The following USP22 variants were observed in gnomAD, a reference collection of about 807,000 sequenced individuals.
USP22 encodes the protein ubiquitin specific peptidase 22.
A neutral mutation model predicts 68.1 loss-of-function variants in USP22; 22 were observed. The ratio of observed to expected loss-of-function variants is 0.32; its 90% CI spans 0.23 to 0.46. The LOEUF (loss-of-function observed/expected upper bound fraction) is 0.46, where lower values mean the gene tolerates loss of function less well. USP22 is among the 20% of genes least tolerant of loss of function. The pLI is 1.00. For missense variants in USP22, 433 were observed against 695.8 expected (o/e 0.62, Z 4.25); for synonymous variants, 279 against 274.2 (o/e 1.02, Z -0.17).
At position 21,001,898 on chromosome 17, in the gene USP22, C is replaced by G. The variant is rs987187006; in HGVS notation, c.*1133G>C. The stretch of plus-strand genomic sequence containing the variant: ...TCTCTTTCAGCTCTGCTGACAAGCT[C>G]AATCACGGTGTCATTTTACTGCCAC... On this transcript the variant is annotated 3_prime_UTR_variant, in exon 13 of 13. Coordinates refer to ENST00000261497, the MANE Select transcript of USP22 (RefSeq NM_015276.2). 1.3e-5 allele frequency: 2 copies of G among 152,240 alleles called. No individual in the cohort carries two copies. Among genetic ancestry groups the G allele is most frequent in the Admixed American group, 1.3e-4 (2 of 15,286 alleles). The allele number at this position is 152,240 out of a possible 1,614,324, so 9.4% of individuals were successfully genotyped here.
Position 21,012,926 on chromosome 17 carries a change from T to C in USP22, c.848A>G (p.Asn283Ser), listed in dbSNP as rs201217885. 4.4e-5 allele frequency: 71 copies of C among 1,613,856 alleles called. No homozygotes were observed. The highest frequency in any genetic ancestry group is 5.5e-5 in the Non-Finnish European group (65 of 1,179,948). The change falls in exon 7 of 13, where the codon AAT (asparagine) becomes AGT (serine). Residue 283 changes from asparagine to serine, a missense_variant. This residue lies in a region of USP22 where 178 missense variants were observed against 351.5 expected (regional missense o/e 0.51). Transcript: ENST00000261497. ...GTTGGGGTTGTTGGCCTTCTTCCCA[T>C]TGTCATCACCTGGAGACAGACCACG... ...VLHRHCKGDDNGKKANNPNHC... is the reference protein window; with the variant it reads ...VLHRHCKGDDSGKKANNPNHC...
At chr17:21,019,668 C>CAG (rs1555529863) in intron 3 of USP22, among the ~76,000 whole-genome samples, 1 of 151,974 alleles carries the variant, frequency 6.6e-6, no homozygotes, top group African/African-American at 2.4e-5. Flanking sequence ...ACAAAATATT[C>CAG]AGAGAGTGGT....
intron 12 of USP22, among the ~76,000 whole-genome samples, chr17:21,003,456 T>C (rs1239025606): frequency 3.9e-5 from 6 of 152,126 alleles, no homozygotes; most frequent in African/African-American, 1.4e-4. Context: ...AAATAAAACC[T>C]CTCAAGAGGG....
intron 8 of USP22, among the ~76,000 whole-genome samples, chr17:21,008,443 G>C (rs1913845249): frequency 6.6e-6 from 1 of 152,010 alleles, no homozygotes; most frequent in African/African-American, 2.4e-5. Context: ...AAAAAAGGAA[G>C]GAACTACTGA....
At chr17:21,005,368 T>C (rs1913746737) in intron 10 of USP22, among the ~76,000 whole-genome samples, 2 of 152,220 alleles carry the variant, frequency 1.3e-5, no homozygotes, top group South Asian at 2.1e-4. Context: ...GCTGAATCCA[T>C]TCTACAACCT....
Position 21,002,940 on chromosome 17 carries a change from G to A in USP22, c.*91C>T. ...GTGTCACCAGGCCGGGGAGGCGGCG[G>A]GAGACTTGGGGGAGGGGGGGGCCAG... On this transcript the variant is annotated 3_prime_UTR_variant, in exon 13 of 13. Coordinates refer to ENST00000261497, the MANE Select transcript of USP22 (RefSeq NM_015276.2). The A allele has an allele frequency of 6.6e-7, 1 of 1,508,632 alleles. No homozygotes were observed. Among genetic ancestry groups the A allele is most frequent in the South Asian group, 1.1e-5 (1 of 88,072 alleles). 93.5% of individuals were successfully genotyped at this position (1,508,632 alleles called of 1,614,324 possible). A position where few individuals can be genotyped will look rare whatever the true frequency, so the allele number is the denominator to read the frequency against.
intron 8 of USP22, among the ~76,000 whole-genome samples, chr17:21,010,663 C>CAA (rs36003717): frequency 0.014 from 1,538 of 107,496 alleles, 18 homozygotes; most frequent in African/African-American, 0.022. Context: ...AACTCTGTCT[C>CAA]AAAAAAAAAA....
intron 1 of USP22, among the ~76,000 whole-genome samples, chr17:21,030,407 T>TATGC (rs1313671650): frequency 2.0e-5 from 3 of 151,780 alleles, no homozygotes; most frequent in Admixed American, 1.3e-4. Context: ...TGTATGTATG[T>TATGC]ATGCATGCAC....
rs8078414 is a variant in USP22 at position 21,014,455 on chromosome 17, C to T, written c.838+1297G>A. ...ACTAGGACATGAAATTCTACCTAAGCTACTAAGTAACTTTCCTTTGATTTC... is the reference window on the plus strand; with the variant it reads ...ACTAGGACATGAAATTCTACCTAAGTTACTAAGTAACTTTCCTTTGATTTC... On this transcript the variant is annotated intron_variant, in intron 6 of 12. Coordinates refer to ENST00000261497, the MANE Select transcript of USP22 (RefSeq NM_015276.2). Among the ~76,000 whole-genome samples, 1,311 of 152,308 alleles carry T rather than the reference C, an allele frequency of 8.6e-3. 25 individuals are homozygous for T. Among genetic ancestry groups the T allele is most frequent in the African/African-American group, 0.029 (1,213 of 41,554 alleles).
chr17:21,020,978 G>A, intron 3 of USP22, 135 bp downstream of exon 3: 3 of 676,606 alleles, frequency 4.4e-6, no homozygotes, highest in South Asian at 3.5e-5. Context: ...TGGGCCTTAG[G>A]GGAAGGTGGG....
chr17:21,022,813 A>AG (rs1759680713), intron 2 of USP22, among the ~76,000 whole-genome samples: 1 of 114,908 alleles, frequency 8.7e-6, no homozygotes, highest in African/African-American at 2.7e-5. Context: ...AAAAAAAAAA[A>AG]CCAAATGAAC....
Position 21,042,827 on chromosome 17 carries a change from G to A in USP22, c.9C>T (p.Ser3=). The A allele has an allele frequency of 2.9e-6, 4 of 1,386,412 alleles. No homozygotes were observed. Among genetic ancestry groups the A allele is most frequent in the Non-Finnish European group, 1.9e-6 (2 of 1,064,158 alleles). The allele number at this position is 1,386,412 out of a possible 1,614,324, so 85.9% of individuals were successfully genotyped here. The part of the protein sequence containing the change: MV[S]RPEPEGEAMD... ...TGGCCTCGCCCTCGGGCTCTGGCCGGGACACCATGGGGGGCAAGGCCCGGC... is the reference window on the plus strand; with the variant it reads ...TGGCCTCGCCCTCGGGCTCTGGCCGAGACACCATGGGGGGCAAGGCCCGGC... Residue 3 remains serine, a synonymous_variant, in exon 1 of 13, where the codon TCC becomes TCT. Coordinates refer to ENST00000261497, the MANE Select transcript of USP22 (RefSeq NM_015276.2).
chr17:21,029,166 C>T (rs1972258696), intron 1 of USP22, among the ~76,000 whole-genome samples: 1 of 152,188 alleles, frequency 6.6e-6, no homozygotes, highest in African/African-American at 2.4e-5. Flanking sequence ...TACCAAGAAA[C>T]AGACCTCACA....
At chr17:21,024,101 A>G (rs1420190953) in intron 2 of USP22, among the ~76,000 whole-genome samples, 1 of 152,138 alleles carries the variant, frequency 6.6e-6, no homozygotes, top group Non-Finnish European at 1.5e-5. Context: ...AATGCCAACA[A>G]CGATGTTAAA....
chr17:21,005,302 G>A (rs1213357819), intron 10 of USP22, among the ~76,000 whole-genome samples: 1 of 152,202 alleles, frequency 6.6e-6, no homozygotes, highest in Admixed American at 6.5e-5. Flanking sequence ...TTGTGACAAA[G>A]CAGATGGTGA....
chr17:21,024,819 T>C (rs1972200776), intron 2 of USP22, among the ~76,000 whole-genome samples: 1 of 151,958 alleles, frequency 6.6e-6, no homozygotes, highest in Non-Finnish European at 1.5e-5. Context: ...GTACAAAAAA[T>C]CAGCCAAGCG....
chr17:21,001,702 G>T lies in USP22; in HGVS notation c.*1329C>A, dbSNP rs1257036213. Reference sequence around the variant, plus strand: ...GATGCTGCTGGGGCTCCTGGGACAAGCACAGCCCGAGACACACTTGCTTCA... The same window carrying T: ...GATGCTGCTGGGGCTCCTGGGACAATCACAGCCCGAGACACACTTGCTTCA... On this transcript the variant is annotated 3_prime_UTR_variant, in exon 13 of 13. Coordinates refer to ENST00000261497, the MANE Select transcript of USP22 (RefSeq NM_015276.2). 6.6e-6 allele frequency: 1 copy of T among 152,184 alleles called. No individual in the cohort carries two copies. Among genetic ancestry groups the T allele is most frequent in the East Asian group, 1.9e-4 (1 of 5,198 alleles). The allele number at this position is 152,184 out of a possible 1,614,324, so 9.4% of individuals were successfully genotyped here.
Position 21,028,477 on chromosome 17 carries a change from C to T in USP22, c.304+65G>A, listed in dbSNP as rs1972249406. ...CTTTTGGAAGAGTGGAACTGCAAATCAAAAAATCAAAGAGTAGCAATTTGG... is the reference window on the plus strand; with the variant it reads ...CTTTTGGAAGAGTGGAACTGCAAATTAAAAAATCAAAGAGTAGCAATTTGG... On this transcript the variant is annotated intron_variant, in intron 2 of 12. Coordinates refer to ENST00000261497, the MANE Select transcript of USP22 (RefSeq NM_015276.2). 3.8e-6 allele frequency: 6 copies of T among 1,588,064 alleles called. No individual in the cohort carries two copies. The Admixed American group carries it at 1.0e-4, about 28-fold the overall frequency.
intron 1 of USP22, 131 bp downstream of exon 1, chr17:21,042,532 GGA>G: frequency 1.2e-6 from 1 of 857,622 alleles, no homozygotes. Flanking sequence ...GAGGGCAGAA[GGA>G]GAGAGGAAGA....
Sources: gnomAD v4.1 joint callset for allele counts (sites outside exome capture counted in the v4.1 genomes callset) on GRCh38, gnomAD v4.1.1 for gene constraint, gnomAD v4.1.1 regional missense constraint, MANE v1.5 for transcripts, NCBI Gene and HGNC (gene_info 2026-07-23, HGNC 2026-07-21) for gene names.